SMURF1: variants seen among roughly 807,000 people sequenced by gnomAD.
SMURF1 encodes E3 ubiquitin-protein ligase SMURF1.
In SMURF1, 44 loss-of-function variants were observed where a neutral mutation model predicts 98.0. The observed-to-expected ratio is 0.45, with a 90% CI of 0.35 to 0.58. SMURF1 has a LOEUF of 0.58. Among genes scored for constraint, SMURF1 ranks in the 20% least tolerant of loss-of-function variants. SMURF1 has a pLI of 0.00. For missense variants in SMURF1, 687 were observed against 938.4 expected (o/e 0.73, Z 3.50); for synonymous variants, 396 against 374.9 (o/e 1.06, Z -0.65).
At chr7:99,097,083 AG>A (rs1796970871) in intron 1 of SMURF1, among the ~76,000 whole-genome samples, 1 of 152,110 alleles carries the variant, frequency 6.6e-6, no homozygotes, top group South Asian at 2.1e-4. Context: ...TTGAACTGAA[AG>A]AAAAAAAAAA....
rs753675165 is a variant in SMURF1, at chr7:99,057,506, A to G, written c.249T>C (p.His83=). Residue 83 remains histidine, a synonymous_variant, in exon 4 of 18, where the codon CAT becomes CAC. Coordinates refer to ENST00000361368, the MANE Select transcript of SMURF1 (RefSeq NM_181349.3). ...TDSITISVWN[H]KKIHKKQGAG... ...CTCCCTGTTTCTTGTGAATTTTCTT[A>G]TGGTTCCACACGCTAATGGTTATCG... The G allele has an allele frequency of 2.5e-6, 4 of 1,587,798 alleles. No homozygotes were observed. The highest frequency in any genetic ancestry group is 3.4e-6 in the Non-Finnish European group (4 of 1,173,892).
intron 16 of SMURF1, among the ~76,000 whole-genome samples, chr7:99,033,813 C>T (rs1373104168): frequency 1.3e-5 from 2 of 152,226 alleles, no homozygotes; most frequent in African/African-American, 4.8e-5. Flanking sequence ...CAGGTGTTTC[C>T]AAACTCAGCC....
Position 99,051,435 on chromosome 7 carries a change from C to A in SMURF1, c.728G>T (p.Arg243Ile). The change falls in exon 8 of 18, where the codon AGA (arginine) becomes ATA (isoleucine). Residue 243 changes from arginine (R) to isoleucine (I), a missense_variant. Transcript: ENST00000361368. The part of the protein sequence containing the change: ...SPELPEGYEQ[R>I]TTVQGQVYFL... ...GTAAACTTGGCCCTGGACTGTTGTT[C>A]TTTGTTCTACACAAGAAATTAGAGA... 6.2e-7 allele frequency: 1 copy of A among 1,613,752 alleles called. No homozygotes were observed. Among genetic ancestry groups the A allele is most frequent in the Non-Finnish European group, 8.5e-7 (1 of 1,179,684 alleles).
chr7:99,055,092 A>G (rs1795848568), intron 5 of SMURF1, among the ~76,000 whole-genome samples: 1 of 152,146 alleles, frequency 6.6e-6, no homozygotes, highest in African/African-American at 2.4e-5. Flanking sequence ...AAAGGGTGCT[A>G]TGTTTCTCCT....
At chr7:99,129,877 A>G (rs1797832721) in intron 1 of SMURF1, among the ~76,000 whole-genome samples, 1 of 152,172 alleles carries the variant, frequency 6.6e-6, no homozygotes, top group Non-Finnish European at 1.5e-5. Flanking sequence ...TCTTACAAAA[A>G]CTTTTTTTCT....
chr7:99,109,287 CG>C (rs1797269478), intron 1 of SMURF1, among the ~76,000 whole-genome samples: 1 of 152,226 alleles, frequency 6.6e-6, no homozygotes, highest in African/African-American at 2.4e-5. Flanking sequence ...TCACAGACAC[CG>C]GCAAGCCGCA....
At chr7:99,046,442 A>T (rs1465079254) in intron 10 of SMURF1, among the ~76,000 whole-genome samples, 1 of 152,148 alleles carries the variant, frequency 6.6e-6, no homozygotes, top group Non-Finnish European at 1.5e-5. Flanking sequence ...AAACTCCAGC[A>T]ACCCAGCCGG....
At chr7:99,118,386 G>C (rs1797510571) in intron 1 of SMURF1, among the ~76,000 whole-genome samples, 1 of 152,158 alleles carries the variant, frequency 6.6e-6, no homozygotes, top group African/African-American at 2.4e-5. Flanking sequence ...CAATAGCCAA[G>C]AAGCAGAAAC....
chr7:99,121,097 A>G (rs2150622466), intron 1 of SMURF1: 1 of 152,266 alleles, frequency 6.6e-6, no homozygotes, highest in African/African-American at 2.4e-5. Flanking sequence ...TGTCTCCAAC[A>G]GAGTTCTCTA....
intron 1 of SMURF1, among the ~76,000 whole-genome samples, chr7:99,120,399 C>T (rs1345969015): frequency 1.3e-5 from 2 of 152,138 alleles, no homozygotes; most frequent in Non-Finnish European, 2.9e-5. Context: ...CTATTACTAC[C>T]TACAGTCTCC....
rs932737878 is a variant in SMURF1, at chr7:99,059,050, C to T, written c.204-1499G>A. Among the ~76,000 whole-genome samples the T allele has an allele frequency of 5.9e-5, 9 of 152,048 alleles. No individual in the cohort carries two copies. In the South Asian group the frequency reaches 8.3e-4, roughly 14 times the overall value. On this transcript the variant is annotated intron_variant, in intron 3 of 17. Transcript: ENST00000361368. The stretch of plus-strand genomic sequence containing the variant: ...GGTGAGCCAAGATTGCGCCACTGCG[C>T]TCCAGCCTGGGCAACAGAGCGAGAC...
chr7:99,133,137 G>A (rs779036135), intron 1 of SMURF1, among the ~76,000 whole-genome samples: 4 of 152,162 alleles, frequency 2.6e-5, no homozygotes, highest in Admixed American at 2.0e-4. Context: ...CGCAGTGCAC[G>A]CGGAGCTAGT....
intron 9 of SMURF1, chr7:99,048,275 G>A: frequency 5.1e-6 from 1 of 197,616 alleles, no homozygotes; most frequent in East Asian, 1.3e-4. Context: ...TATAATCCCA[G>A]CTACTCAGGA....
intron 1 of SMURF1, among the ~76,000 whole-genome samples, chr7:99,066,376 A>G (rs1796192971): frequency 6.6e-6 from 1 of 152,172 alleles, no homozygotes; most frequent in African/African-American, 2.4e-5. Flanking sequence ...CACATGTCTC[A>G]CAAATATTAA....
intron 17 of SMURF1, 180 bp downstream of exon 17, chr7:99,032,857 T>C (rs557964499): frequency 3.0e-5 from 26 of 861,918 alleles, no homozygotes; most frequent in Non-Finnish European, 4.5e-5. Flanking sequence ...GGCTTCAGAA[T>C]TGTCATTCAA....
chr7:99,049,624 A>C lies in SMURF1; in HGVS notation c.892T>G (p.Phe298Val). 1 of 1,614,148 alleles carries C rather than the reference A, an allele frequency of 6.2e-7. No homozygotes were observed. Among genetic ancestry groups the C allele is most frequent in the Non-Finnish European group, 8.5e-7 (1 of 1,179,998 alleles). The change falls in exon 9 of 18, where the codon TTT (phenylalanine) becomes GTT (valine). Residue 298 changes from phenylalanine (F) to valine (V), a missense_variant. Transcript: ENST00000361368. ...VRSTVSGRIYFVDHNNRTTQF... is the reference protein window; with the variant it reads ...VRSTVSGRIYVVDHNNRTTQF... The stretch of plus-strand genomic sequence containing the variant: ...GTTGTTCGGTTATTATGATCTACAA[A>C]ATATATCCTCCCAGAAACTGTACTT...
rs1794836388 is a variant in SMURF1, at chr7:99,030,557, C to G, written c.*27G>C. ...ATGCTTTTGGTCTGGTGGCCATGAGCTAGACTCTGTTGCCTTTGGTTGCTT... is the reference window on the plus strand; with the variant it reads ...ATGCTTTTGGTCTGGTGGCCATGAGGTAGACTCTGTTGCCTTTGGTTGCTT... On this transcript the variant is annotated 3_prime_UTR_variant, in exon 18 of 18. Transcript: ENST00000361368. 6.2e-7 allele frequency: 1 copy of G among 1,604,934 alleles called. No homozygotes were observed. The highest frequency in any genetic ancestry group is 1.3e-5 in the African/African-American group (1 of 74,884).
rs1364647285 is a variant in SMURF1, at chr7:99,143,753, C to G, written c.28G>C (p.Gly10Arg). 5.1e-6 allele frequency: 8 copies of G among 1,557,212 alleles called. No homozygotes were observed. The highest frequency in any genetic ancestry group is 4.6e-5 in the South Asian group (4 of 86,302). ...GTCAGACGGATCTTGATGCTGGAGC[C>G]GTTCCTGCGTGTCCCGGGGTTCGAC... is the stretch of plus-strand genomic sequence containing the variant. MSNPGTRRN[G>R]SSIKIRLTVL... Residue 10 changes from glycine (G) to arginine (R), a missense_variant, in exon 1 of 18, where the codon GGC becomes CGC. Physicochemically the swap from Gly to Arg is moderately radical, Grantham distance 125. Coordinates refer to ENST00000361368, the MANE Select transcript of SMURF1 (RefSeq NM_181349.3).
chr7:99,099,505 G>C (rs955032799), intron 1 of SMURF1, among the ~76,000 whole-genome samples: 8 of 152,102 alleles, frequency 5.3e-5, no homozygotes, highest in Non-Finnish European at 1.2e-4. Flanking sequence ...AGGATAGGGG[G>C]GGAAATGCCA....
Sources: allele counts gnomAD v4.1 joint callset (sites outside exome capture counted in the v4.1 genomes callset), GRCh38; gene constraint gnomAD v4.1.1; transcripts MANE v1.5; gene names NCBI Gene and HGNC (gene_info 2026-07-23, HGNC 2026-07-21).